The following PCDHGA4 variants were observed in gnomAD, a reference collection of about 807,000 sequenced individuals.
PCDHGA4 encodes the protein protocadherin gamma-A4.
In PCDHGA4, 38 loss-of-function variants were observed where a neutral mutation model predicts 54.6. The observed-to-expected ratio is 0.70, with a 90% CI of 0.54 to 0.91. The LOEUF (loss-of-function observed/expected upper bound fraction) is 0.91, where lower values mean the gene tolerates loss of function less well. Ranked by LOEUF, PCDHGA4 falls within the 40% of genes least tolerant of loss-of-function variation. PCDHGA4 has a pLI of 0.00. For synonymous variants in PCDHGA4, 511 were observed against 512.9 expected, an observed-to-expected ratio of 1.00 and a Z score of 0.05; for missense variants, 1,298 against 1,220.9, an observed-to-expected ratio of 1.06 and a Z score of -0.94.
intron 1 of PCDHGA4, chr5:141,405,569 A>G: frequency 1.7e-6 from 1 of 604,184 alleles, no homozygotes. Context: ...GGACTAGAGT[A>G]GAGTAGCTGG....
chr5:141,372,572 C>A (rs1199574805), intron 1 of PCDHGA4: 2 of 1,613,940 alleles, frequency 1.2e-6, no homozygotes, highest in Admixed American at 1.7e-5. Context: ...CTGAGGGCTA[C>A]TTTCAGCCTG....
chr5:141,408,877 C>T (rs1476847671), intron 1 of PCDHGA4: 4 of 1,613,308 alleles, frequency 2.5e-6, no homozygotes, highest in Admixed American at 3.3e-5. Flanking sequence ...GAAGTGCCAC[C>T]GCTCACATAG....
intron 1 of PCDHGA4, among the ~76,000 whole-genome samples, chr5:141,460,801 ATATGTATG>A (rs2098998171): frequency 6.6e-6 from 1 of 152,010 alleles, no homozygotes; most frequent in Non-Finnish European, 1.5e-5. Context: ...CAAAGTATAT[ATATGTATG>A]TATACATATA....
chr5:141,502,864 G>T (rs1595824348), intron 2 of PCDHGA4, among the ~76,000 whole-genome samples: 4 of 61,548 alleles, frequency 6.5e-5, no homozygotes, highest in African/African-American at 2.4e-4. Flanking sequence ...CTGACTCTCT[G>T]TCTTTTTTTT....
At chr5:141,443,499 A>T (rs533910381) in intron 1 of PCDHGA4, among the ~76,000 whole-genome samples, 1 of 152,268 alleles carries the variant, frequency 6.6e-6, no homozygotes, top group African/African-American at 2.4e-5. Context: ...ACAAACAAAC[A>T]AATAAAGAGC....
At chr5:141,375,316 C>T (rs1308700957) in intron 1 of PCDHGA4, 4 of 1,613,660 alleles carry the variant, frequency 2.5e-6, no homozygotes, top group South Asian at 2.2e-5. Flanking sequence ...CAGCTCTAGA[C>T]CGGGAAGAGG....
intron 1 of PCDHGA4, among the ~76,000 whole-genome samples, chr5:141,359,239 A>G (rs1050299402): frequency 6.6e-6 from 1 of 152,166 alleles, no homozygotes; most frequent in Non-Finnish European, 1.5e-5. Context: ...GATTGTTTAA[A>G]GTAATTAAGC....
chr5:141,414,210 T>G (rs1252033650), intron 1 of PCDHGA4: 1 of 1,612,706 alleles, frequency 6.2e-7, no homozygotes, highest in Admixed American at 1.7e-5. Context: ...AAGATGTAAA[T>G]GACAACAGTC....
chr5:141,423,415 G>GA (rs750028507), intron 1 of PCDHGA4: 3 of 1,614,134 alleles, frequency 1.9e-6, no homozygotes, highest in Non-Finnish European at 2.5e-6. Context: ...GCAGGCTTCT[G>GA]AAGGCGGGTT....
chr5:141,395,459 T>C (rs2093235244), intron 1 of PCDHGA4: 1 of 602,046 alleles, frequency 1.7e-6, no homozygotes, highest in African/African-American at 1.9e-5. Context: ...TCAACCATTT[T>C]AAGCCTTCCA....
At chr5:141,408,566 G>A (rs779048929) in intron 1 of PCDHGA4, 2 of 1,613,912 alleles carry the variant, frequency 1.2e-6, no homozygotes, top group East Asian at 4.5e-5. Flanking sequence ...TGTCATTGTG[G>A]TGATTGAGGA....
intron 1 of PCDHGA4, chr5:141,418,598 T>G: frequency 6.2e-7 from 1 of 1,614,010 alleles, no homozygotes; most frequent in Non-Finnish European, 8.5e-7. Flanking sequence ...CCAGGACGTG[T>G]ACAGGGTTAG....
intron 1 of PCDHGA4, among the ~76,000 whole-genome samples, chr5:141,462,769 G>T (rs1462290112): frequency 6.6e-6 from 1 of 151,956 alleles, no homozygotes; most frequent in African/African-American, 2.4e-5. Flanking sequence ...TCCTGGCTTG[G>T]GGTCATAATT....
chr5:141,399,775 G>T, intron 1 of PCDHGA4: 3 of 1,613,282 alleles, frequency 1.9e-6, no homozygotes, highest in Non-Finnish European at 2.5e-6. Context: ...GTTGGTGGGC[G>T]ACCGAAACGA....
chr5:141,361,368 C>T, intron 1 of PCDHGA4: 2 of 1,613,970 alleles, frequency 1.2e-6, no homozygotes, highest in Non-Finnish European at 1.7e-6. Context: ...GCGCTCTGGA[C>T]CGGGAGGAGA....
intron 1 of PCDHGA4, chr5:141,408,114 C>G: frequency 6.8e-7 from 1 of 1,461,086 alleles, no homozygotes; most frequent in East Asian, 2.5e-5. Flanking sequence ...CGGGACTCCT[C>G]CTGTCCTGGG....
At chr5:141,388,590 A>G in intron 1 of PCDHGA4, 9 of 1,613,920 alleles carry the variant, frequency 5.6e-6, no homozygotes, top group Non-Finnish European at 7.6e-6. Flanking sequence ...GACTGATGCC[A>G]ATGATAATGC....
intron 1 of PCDHGA4, chr5:141,409,866 G>A (rs1268327848): frequency 3.7e-6 from 6 of 1,612,258 alleles, no homozygotes; most frequent in East Asian, 4.5e-5. Context: ...GTGGGAGACC[G>A]CAATGACAAC....
chr5:141,454,865 TG>T (rs2098805228), intron 1 of PCDHGA4, among the ~76,000 whole-genome samples: 1 of 135,344 alleles, frequency 7.4e-6, no homozygotes, highest in Non-Finnish European at 1.5e-5. Flanking sequence ...TGGAGTGCAG[TG>T]GCACGATCTT....
Sources: gnomAD v4.1 joint callset for allele counts (sites outside exome capture counted in the v4.1 genomes callset) on GRCh38, gnomAD v4.1.1 for gene constraint, MANE v1.5 for transcripts, NCBI Gene and HGNC (gene_info 2026-07-23, HGNC 2026-07-21) for gene names.